GPX5: variants seen among roughly 807,000 people sequenced by gnomAD.
GPX5 encodes glutathione peroxidase 5, also known as epididymal secretory glutathione peroxidase.
GPX5 carries 20 observed loss-of-function variants against 23.8 expected under a neutral mutation model. That is an observed-to-expected ratio of 0.84 (90% CI 0.59 to 1.22). The LOEUF (loss-of-function observed/expected upper bound fraction) is 1.22, where lower values mean the gene tolerates loss of function less well. Among genes scored for constraint, GPX5 ranks in the 50% most tolerant of loss-of-function variants. The pLI is 0.00. For synonymous variants in GPX5, 92 were observed against 99.5 expected, an observed-to-expected ratio of 0.92 and a Z score of 0.45; for missense variants, 230 against 266.6, an observed-to-expected ratio of 0.86 and a Z score of 0.96.
In GPX5 at chr6:28,532,044, T is replaced by G. The variant is rs116569198; in HGVS notation, c.359+149T>G. ...AGAGTTTAACTTTGGCCTACCGTGA[T>G]GAGCGTCTGGCAGTTTCCAGACTCT... On this transcript the variant is annotated intron_variant, in intron 3 of 4. Transcript: ENST00000412168. 3,478 of 733,960 alleles carry G rather than the reference T, an allele frequency of 4.7e-3. 24 individuals carry two copies. The highest frequency in any genetic ancestry group is 0.012 in the Middle Eastern group (33 of 2,664). 45.5% of individuals were successfully genotyped at this position (733,960 alleles called of 1,614,324 possible). A position where few individuals can be genotyped will look rare whatever the true frequency, so the allele number is the denominator to read the frequency against.
intron 1 of GPX5, 166 bp from the exon 2 acceptor site, chr6:28,529,285 C>T: frequency 4.3e-6 from 2 of 463,908 alleles, no homozygotes; most frequent in Non-Finnish European, 3.7e-6. Context: ...TTTTTATTTC[C>T]AAGTTACAAG....
rs1763272237 is a variant in GPX5, at chr6:28,529,491, A to G, written c.128A>G (p.Tyr43Cys). 6.2e-7 allele frequency: 1 copy of G among 1,613,496 alleles called. No individual in the cohort carries two copies. The highest frequency in any genetic ancestry group is 1.3e-5 in the African/African-American group (1 of 75,038). The change falls in exon 2 of 5, where the codon TAT becomes TGT. Residue 43 changes from tyrosine (Y) to cysteine (C), a missense_variant. Tyr to Cys is a radical substitution (Grantham distance 194). Coordinates refer to ENST00000412168, the MANE Select transcript of GPX5 (RefSeq NM_001509.3). ...HKDEKGTIYDYEAIALNKNEY... is the reference protein window; with the variant it reads ...HKDEKGTIYDCEAIALNKNEY... ...GACGAGAAAGGCACCATCTATGACT[A>G]TGAGGCCATCGCACTTAATAAGAAT...
rs1381543192 is a variant in GPX5, at chr6:28,534,234, A to G, written c.*67A>G. 30 of 1,091,036 alleles carry G rather than the reference A, an allele frequency of 2.7e-5. No individual in the cohort carries two copies. The highest frequency in any genetic ancestry group is 1.7e-4 in the Admixed American group (6 of 35,982). 67.6% of individuals were successfully genotyped at this position (1,091,036 alleles called of 1,614,324 possible). A position where few individuals can be genotyped will look rare whatever the true frequency, so the allele number is the denominator to read the frequency against. On this transcript the variant is annotated 3_prime_UTR_variant, in exon 5 of 5. Coordinates refer to ENST00000412168, the MANE Select transcript of GPX5 (RefSeq NM_001509.3). ...AATGACTTGCTCTCCCCACCCCTCC[A>G]AAAAAAAGGAATACCCATCTTCTCA...
At chr6:28,530,706 A>G (rs1247076106) in intron 2 of GPX5, among the ~76,000 whole-genome samples, 1 of 152,208 alleles carries the variant, frequency 6.6e-6, no homozygotes, top group African/African-American at 2.4e-5. Context: ...TTCCCAGTTT[A>G]TAGGGACTTT....
At chr6:28,531,736 G>T (rs1167737685) in intron 2 of GPX5, 42 bp from the exon 3 acceptor site, 1 of 1,324,790 alleles carries the variant, frequency 7.5e-7, no homozygotes, top group Non-Finnish European at 1.1e-6. Context: ...GCACAAGGCA[G>T]AACCTCTACC....
rs906713271 is a variant in GPX5 at position 28,534,636 on chromosome 6, G to A, written c.*469G>A. On this transcript the variant is annotated 3_prime_UTR_variant, in exon 5 of 5. Coordinates refer to ENST00000412168, the MANE Select transcript of GPX5 (RefSeq NM_001509.3). ...ACATTTTTTGTCTCCTAGGACAAAC[G>A]TGTATCATCAGTTTCCAACTGTTTT... 8 of 153,972 alleles carry A rather than the reference G, an allele frequency of 5.2e-5. No individual in the cohort carries two copies. The highest frequency in any genetic ancestry group is 1.9e-4 in the East Asian group (1 of 5,222). The allele number at this position is 153,972 out of a possible 1,614,324, so 9.5% of individuals were successfully genotyped here.
intron 4 of GPX5, among the ~76,000 whole-genome samples, chr6:28,533,633 A>T (rs994365836): frequency 1.3e-5 from 2 of 152,236 alleles, no homozygotes; most frequent in Admixed American, 6.5e-5. Flanking sequence ...GAACCCTAAG[A>T]CCTGGAAAAC....
In GPX5 at chr6:28,534,267, C is replaced by G; in HGVS notation, c.*100C>G. On this transcript the variant is annotated 3_prime_UTR_variant, in exon 5 of 5. Transcript: ENST00000412168. ...GGAATACCCATCTTCTCACCACACT[C>G]TCTTCCTGCATGGGCTCCACCTGAG... 1.3e-6 allele frequency: 1 copy of G among 768,270 alleles called. No homozygotes were observed. Among genetic ancestry groups the G allele is most frequent in the Non-Finnish European group, 2.0e-6 (1 of 498,192 alleles). The allele number at this position is 768,270 out of a possible 1,614,324, so 47.6% of individuals were successfully genotyped here.
intron 1 of GPX5, among the ~76,000 whole-genome samples, chr6:28,526,607 A>T (rs747466328): frequency 6.6e-6 from 1 of 152,164 alleles, no homozygotes; most frequent in South Asian, 2.1e-4. Flanking sequence ...GCCCTAAAAC[A>T]ACTGGATTTG....
Position 28,531,389 on chromosome 6 carries a change from AAAAAGAAAAG to A in GPX5, c.242-358_242-349del, listed in dbSNP as rs1207321045. ...CTGTCTCAAAAAAAAAAAAAAAAAA[AAAAAGAAAAG>A]AAAAGAAAAGAAAAGAAAAGAAAAG... On this transcript the variant is annotated intron_variant, in intron 2 of 4. Transcript: ENST00000412168. Among the ~76,000 whole-genome samples, 350 of 69,538 alleles carry A rather than the reference AAAAAGAAAAG, an allele frequency of 5.0e-3. 3 individuals carry two copies. Among genetic ancestry groups the A allele is most frequent in the South Asian group, 0.026 (51 of 1,944 alleles). 45.6% of individuals were successfully genotyped at this position (69,538 alleles called of 152,430 possible).
At chr6:28,526,190 C>T (rs1763205644) in intron 1 of GPX5, 90 bp downstream of exon 1, 1 of 952,566 alleles carries the variant, frequency 1.0e-6, no homozygotes, top group African/African-American at 1.6e-5. Context: ...ACTCCAACTC[C>T]TGCTTTCTTC....
intron 1 of GPX5, 66 bp downstream of exon 1, chr6:28,526,166 C>T (rs1763205071): frequency 8.3e-7 from 1 of 1,200,020 alleles, no homozygotes; most frequent in Non-Finnish European, 1.2e-6. Flanking sequence ...CTGCCCTCCA[C>T]TCCTTCTTGT....
chr6:28,532,172 C>T, intron 3 of GPX5, 149 bp from the exon 4 acceptor site: 1 of 631,360 alleles, frequency 1.6e-6, no homozygotes, highest in Non-Finnish European at 2.8e-6. Context: ...AGTCAGAGAG[C>T]CCAAAGTCAA....
chr6:28,531,971 G>A (rs978508778), intron 3 of GPX5, 76 bp downstream of exon 3: 12 of 1,021,936 alleles, frequency 1.2e-5, no homozygotes, highest in African/African-American at 1.6e-5. Flanking sequence ...TCCAGCTCAG[G>A]AACTTTCTGG....
intron 1 of GPX5, among the ~76,000 whole-genome samples, chr6:28,528,815 A>C (rs867510889): frequency 1.4e-3 from 1 of 694 alleles, no homozygotes; most frequent in East Asian, 0.045. Flanking sequence ...ATATGTGTGT[A>C]TATATATATA....
chr6:28,526,467 G>A (rs1361880389), intron 1 of GPX5, among the ~76,000 whole-genome samples: 1 of 152,142 alleles, frequency 6.6e-6, no homozygotes, highest in Non-Finnish European at 1.5e-5. Flanking sequence ...GAGAAGCTGA[G>A]TGGACTTGTC....
At chr6:28,532,286 C>T in intron 3 of GPX5, 35 bp from the exon 4 acceptor site, 1 of 1,285,794 alleles carries the variant, frequency 7.8e-7, no homozygotes, top group South Asian at 1.4e-5. Flanking sequence ...CTTGCATATC[C>T]TGGAGCTTCC....
At chr6:28,531,520 T>C (rs1324960423) in intron 2 of GPX5, among the ~76,000 whole-genome samples, 1 of 152,080 alleles carries the variant, frequency 6.6e-6, no homozygotes, top group Non-Finnish European at 1.5e-5. Context: ...GCATCCCTAT[T>C]TTTAGGAAAG....
intron 1 of GPX5, among the ~76,000 whole-genome samples, chr6:28,527,356 A>G (rs1320183540): frequency 2.0e-5 from 3 of 152,218 alleles, no homozygotes; most frequent in African/African-American, 7.2e-5. Flanking sequence ...AGATCCCTCA[A>G]TTTTGCTGGT....
Sources: allele counts gnomAD v4.1 joint callset (sites outside exome capture counted in the v4.1 genomes callset), GRCh38; gene constraint gnomAD v4.1.1; transcripts MANE v1.5; gene names NCBI Gene and HGNC (gene_info 2026-07-23, HGNC 2026-07-21).